The following ATP2C1 variants were observed in gnomAD, a reference collection of about 807,000 sequenced individuals.
The protein encoded by ATP2C1 is calcium-transporting ATPase type 2C member 1.
Under a neutral mutation model 120.5 loss-of-function variants are expected in ATP2C1, and 31 were observed. That is an observed-to-expected ratio of 0.26 (90% CI 0.19 to 0.35). ATP2C1 has a LOEUF of 0.35. Among genes scored for constraint, ATP2C1 ranks in the 10% least tolerant of loss-of-function variants. The pLI is 1.00. For missense variants in ATP2C1, 731 were observed against 1,107.5 expected, an observed-to-expected ratio of 0.66 and a Z score of 4.83; for synonymous variants, 351 against 358.7, an observed-to-expected ratio of 0.98 and a Z score of 0.24.
chr3:130,918,345 C>G, intron 2 of ATP2C1: 1 of 1,556,156 alleles, frequency 6.4e-7, no homozygotes, highest in South Asian at 1.1e-5. Context: ...TGATTCAAGA[C>G]TCTTCCCACA....
chr3:130,933,538 C>A (rs1191240805), intron 4 of ATP2C1, among the ~76,000 whole-genome samples: 1 of 152,188 alleles, frequency 6.6e-6, no homozygotes, highest in Middle Eastern at 3.2e-3. Context: ...ATGCCAGCAA[C>A]TGGATTCAAA....
chr3:130,981,417 G>A (rs1404637450), intron 20 of ATP2C1, among the ~76,000 whole-genome samples: 1 of 152,122 alleles, frequency 6.6e-6, no homozygotes, highest in Non-Finnish European at 1.5e-5. Flanking sequence ...TATTATAGGT[G>A]TACCTTACCT....
intron 6 of ATP2C1, among the ~76,000 whole-genome samples, chr3:130,937,873 A>G (rs531556898): frequency 6.6e-6 from 1 of 152,382 alleles, no homozygotes; most frequent in East Asian, 1.9e-4. Context: ...AAAAAAGTAT[A>G]GAATTAAAAG....
chr3:130,866,529 G>C (rs541164784), intron 1 of ATP2C1, among the ~76,000 whole-genome samples: 2 of 152,276 alleles, frequency 1.3e-5, no homozygotes, highest in South Asian at 4.1e-4. Flanking sequence ...TCCTGACCTG[G>C]AATAAGAAAA....
intron 26 of ATP2C1, among the ~76,000 whole-genome samples, chr3:131,011,354 TTCTC>T (rs958050479): frequency 2.0e-5 from 3 of 152,254 alleles, no homozygotes; most frequent in African/African-American, 4.8e-5. Flanking sequence ...CTCTGCAGCT[TTCTC>T]TCTAAAATTT....
intron 8 of ATP2C1, among the ~76,000 whole-genome samples, chr3:130,949,812 A>AT (rs2060295135): frequency 6.6e-6 from 1 of 152,180 alleles, no homozygotes; most frequent in Admixed American, 6.5e-5. Flanking sequence ...CTTCATTTGC[A>AT]TAAACAGTGA....
At chr3:130,986,872 A>G (rs1433714507) in intron 20 of ATP2C1, among the ~76,000 whole-genome samples, 1 of 61,648 alleles carries the variant, frequency 1.6e-5, no homozygotes, top group Non-Finnish European at 3.8e-5. Context: ...TGATTAGTTT[A>G]GTTTAGTTTA....
chr3:130,953,745 G>A (rs1486289546), intron 8 of ATP2C1, 76 bp from the exon 9 acceptor site: 3 of 1,474,758 alleles, frequency 2.0e-6, no homozygotes, highest in South Asian at 1.1e-5. Context: ...TGAGGAAGAA[G>A]TGATGATGGT....
intron 1 of ATP2C1, among the ~76,000 whole-genome samples, chr3:130,872,601 T>A (rs77828114): frequency 6.6e-6 from 1 of 151,654 alleles, no homozygotes; most frequent in Middle Eastern, 3.4e-3. Flanking sequence ...TTTTTTTTTT[T>A]AAAGATGGGG....
chr3:130,873,183 CA>C (rs754031451), intron 1 of ATP2C1, among the ~76,000 whole-genome samples: 2 of 152,120 alleles, frequency 1.3e-5, no homozygotes, highest in Non-Finnish European at 2.9e-5. Context: ...TGATAAACTA[CA>C]AAAGGTAACT....
At chr3:130,878,672 C>A (rs888567218) in intron 1 of ATP2C1, among the ~76,000 whole-genome samples, 4 of 152,200 alleles carry the variant, frequency 2.6e-5, no homozygotes, top group Non-Finnish European at 5.9e-5. Flanking sequence ...TCTTGCCTGA[C>A]AATTTCTTTC....
At chr3:130,866,194 T>C (rs2068170850) in intron 1 of ATP2C1, among the ~76,000 whole-genome samples, 1 of 130,476 alleles carries the variant, frequency 7.7e-6, no homozygotes, top group Non-Finnish European at 1.6e-5. Flanking sequence ...ATTATAGAAG[T>C]ATTTTAGCCT....
At chr3:130,906,535 T>C (rs1308659740) in intron 2 of ATP2C1, among the ~76,000 whole-genome samples, 2 of 152,026 alleles carry the variant, frequency 1.3e-5, no homozygotes, top group Non-Finnish European at 1.5e-5. Flanking sequence ...TACTTAGGAG[T>C]AGAAGTGCTG....
chr3:130,886,814 A>T (rs192755706), intron 1 of ATP2C1, among the ~76,000 whole-genome samples: 96 of 152,344 alleles, frequency 6.3e-4, no homozygotes, highest in Non-Finnish European at 1.0e-3. Flanking sequence ...GAAAGGTCAC[A>T]TATCTCTGTT....
rs760866129 is a variant in ATP2C1 at position 130,964,106 on chromosome 3, G to A, written c.1024+11G>A. On this transcript the variant is annotated intron_variant, in intron 13 of 27. Coordinates refer to ENST00000510168, the MANE Select transcript of ATP2C1 (RefSeq NM_001378687.1). ...TTGTTGAAACTCTGGGTAAGTCTGTGTTAAGAGCATTCTTATGCAATGATG... is the reference window on the plus strand; with the variant it reads ...TTGTTGAAACTCTGGGTAAGTCTGTATTAAGAGCATTCTTATGCAATGATG... 2 of 1,611,714 alleles carry A rather than the reference G, an allele frequency of 1.2e-6. No individual in the cohort carries two copies. Among genetic ancestry groups the A allele is most frequent in the Admixed American group, 3.3e-5 (2 of 59,920 alleles).
chr3:131,004,241 A>T (rs2063013568), downstream of ATP2C1, among the ~76,000 whole-genome samples: 2 of 152,242 alleles, frequency 1.3e-5, no homozygotes, highest in African/African-American at 4.8e-5. Flanking sequence ...GTGCTTTTTA[A>T]GACTGAGCTC....
chr3:130,913,465 T>C (rs2058539664), intron 2 of ATP2C1, among the ~76,000 whole-genome samples: 1 of 152,118 alleles, frequency 6.6e-6, no homozygotes, highest in East Asian at 1.9e-4. Flanking sequence ...AATTATGCAG[T>C]TTAGCTGTGT....
intron 2 of ATP2C1, among the ~76,000 whole-genome samples, chr3:130,903,842 A>AG (rs1474875713): frequency 6.6e-6 from 1 of 152,048 alleles, no homozygotes; most frequent in African/African-American, 2.4e-5. Context: ...GGTTTAAAAA[A>AG]TATGTAGATG....
chr3:130,879,199 T>C (rs538970651), intron 1 of ATP2C1, among the ~76,000 whole-genome samples: 1 of 152,250 alleles, frequency 6.6e-6, no homozygotes, highest in South Asian at 2.1e-4. Flanking sequence ...GTAGCTGGGA[T>C]TACAGGCACA....
Sources: allele counts gnomAD v4.1 joint callset (sites outside exome capture counted in the v4.1 genomes callset), GRCh38; gene constraint gnomAD v4.1.1; transcripts MANE v1.5; gene names NCBI Gene and HGNC (gene_info 2026-07-23, HGNC 2026-07-21).